SEZ6L: variants seen among roughly 807,000 people sequenced by gnomAD.
The protein encoded by SEZ6L is seizure 6-like protein.
Under a neutral mutation model 106.2 loss-of-function variants are expected in SEZ6L, and 37 were observed. The ratio of observed to expected loss-of-function variants is 0.35; its 90% confidence interval spans 0.27 to 0.46. The LOEUF (loss-of-function observed/expected upper bound fraction) is 0.46. Among genes scored for constraint, SEZ6L ranks in the 20% least tolerant of loss-of-function variants. The pLI, the probability that SEZ6L is intolerant of heterozygous loss-of-function variation, is 1.00. For missense variants in SEZ6L, 1,172 were observed against 1,332.8 expected (o/e 0.88, Z 1.88); for synonymous variants, 541 against 570.4 (o/e 0.95, Z 0.73).
At chr22:26,215,022 G>A (rs927899386) in intron 1 of SEZ6L, among the ~76,000 whole-genome samples, 2 of 152,196 alleles carry the variant, frequency 1.3e-5, no homozygotes, top group East Asian at 1.9e-4. Flanking sequence ...AATGAAAGTG[G>A]TACATACTTT....
intron 1 of SEZ6L, among the ~76,000 whole-genome samples, chr22:26,242,262 G>A (rs1273904628): frequency 6.6e-6 from 1 of 152,312 alleles, no homozygotes; most frequent in East Asian, 1.9e-4. Flanking sequence ...ACACAACCTC[G>A]GGGCTGCTTC....
At chr22:26,226,971 T>C (rs1220029671) in intron 1 of SEZ6L, among the ~76,000 whole-genome samples, 1 of 151,942 alleles carries the variant, frequency 6.6e-6, no homozygotes, top group African/African-American at 2.4e-5. Flanking sequence ...GTTGGTGGTC[T>C]GGTCAGCTTT....
At position 26,227,725 on chromosome 22, in the gene SEZ6L, C is replaced by T. The variant is rs558764555; in HGVS notation, c.94+57962C>T. 2.6e-5 allele frequency among the ~76,000 whole-genome samples: 4 copies of T among 151,904 alleles called. No homozygotes were observed. The South Asian group carries it at 6.2e-4, about 24-fold the overall frequency. ...GAAGCCACCACACCCACCCTTTGTT[C>T]GTAGTACGATTATGAGTGATTGGGT... On this transcript the variant is annotated intron_variant, in intron 1 of 16. Transcript: ENST00000248933.
chr22:26,311,894 G>T lies in SEZ6L; in HGVS notation c.1808G>T (p.Gly603Val). Residue 603 changes from glycine (G) to valine (V), a missense_variant, in exon 8 of 17, where the codon GGC becomes GTC. Physicochemically the swap from Gly to Val is moderately radical, Grantham distance 109. Coordinates refer to ENST00000248933, the MANE Select transcript of SEZ6L (RefSeq NM_021115.5). ...GACCCCGGCCACTCCCTGGAGCAGG[G>T]CCCGGCCATCATCGAATGCATCAAT... Reference protein sequence around the residue: ...TCDPGHSLEQGPAIIECINVR... With the variant: ...TCDPGHSLEQVPAIIECINVR... 1 of 1,614,180 alleles carries T rather than the reference G, an allele frequency of 6.2e-7. No homozygotes were observed. The highest frequency in any genetic ancestry group is 8.5e-7 in the Non-Finnish European group (1 of 1,180,036).
intron 12 of SEZ6L, among the ~76,000 whole-genome samples, chr22:26,360,274 C>T (rs1229274359): frequency 1.3e-5 from 2 of 152,210 alleles, no homozygotes; most frequent in African/African-American, 2.4e-5. Context: ...CTGTCAATAT[C>T]CTCCTTTACA....
At chr22:26,279,258 G>A (rs1390617496) in intron 1 of SEZ6L, among the ~76,000 whole-genome samples, 1 of 152,150 alleles carries the variant, frequency 6.6e-6, no homozygotes. Flanking sequence ...ACCCAGTATT[G>A]AGATTTTCTT....
At chr22:26,367,370 G>A (rs1216523798) in intron 13 of SEZ6L, among the ~76,000 whole-genome samples, 2 of 152,054 alleles carry the variant, frequency 1.3e-5, no homozygotes, top group Non-Finnish European at 2.9e-5. Flanking sequence ...TGGAGACAGG[G>A]TCTTACTCTG....
At chr22:26,317,522 G>C (rs781552420) in intron 9 of SEZ6L, among the ~76,000 whole-genome samples, 24 of 151,848 alleles carry the variant, frequency 1.6e-4, no homozygotes, top group Non-Finnish European at 2.8e-4. Context: ...AGGTCTAGAG[G>C]AGGAAACAAG....
At chr22:26,185,932 A>G (rs1441631235) in intron 1 of SEZ6L, among the ~76,000 whole-genome samples, 1 of 152,048 alleles carries the variant, frequency 6.6e-6, no homozygotes, top group African/African-American at 2.4e-5. Flanking sequence ...TTAGCCCACC[A>G]TATTCCCTCC....
chr22:26,291,865 A>G (rs191184414), intron 1 of SEZ6L, among the ~76,000 whole-genome samples: 1 of 152,016 alleles, frequency 6.6e-6, no homozygotes, highest in East Asian at 1.9e-4. Flanking sequence ...CTACTTTCCC[A>G]TCCCCCTTCC....
chr22:26,170,623 T>C (rs899747716), intron 1 of SEZ6L, among the ~76,000 whole-genome samples: 2 of 151,806 alleles, frequency 1.3e-5, no homozygotes, highest in Non-Finnish European at 2.9e-5. Context: ...CCAGGAAAAG[T>C]TATGGGTGGG....
chr22:26,185,191 G>T (rs889351596), intron 1 of SEZ6L, among the ~76,000 whole-genome samples: 1 of 152,266 alleles, frequency 6.6e-6, no homozygotes, highest in Non-Finnish European at 1.5e-5. Context: ...TAAAAAGAGA[G>T]CTGGGGGATT....
At chr22:26,269,235 G>A (rs918069349) in intron 1 of SEZ6L, among the ~76,000 whole-genome samples, 2 of 152,144 alleles carry the variant, frequency 1.3e-5, no homozygotes, top group South Asian at 2.1e-4. Flanking sequence ...GTAAGTGTGC[G>A]AACACCTTGC....
At chr22:26,215,829 A>T (rs762959471) in intron 1 of SEZ6L, among the ~76,000 whole-genome samples, 10 of 152,186 alleles carry the variant, frequency 6.6e-5, no homozygotes, top group Non-Finnish European at 1.5e-4. Flanking sequence ...TGGGGTGAGC[A>T]GGGATCTGAG....
chr22:26,290,310 T>A (rs541995948), intron 1 of SEZ6L, among the ~76,000 whole-genome samples: 30 of 152,108 alleles, frequency 2.0e-4, no homozygotes, highest in Non-Finnish European at 2.8e-4. Context: ...GGCGGGTGGA[T>A]CACGAGGTCA....
intron 15 of SEZ6L, among the ~76,000 whole-genome samples, chr22:26,377,462 T>C (rs574980698): frequency 2.0e-5 from 3 of 152,272 alleles, no homozygotes; most frequent in Non-Finnish European, 4.4e-5. Context: ...AGGCTTTGGT[T>C]CTCGCTGCCT....
chr22:26,297,311 TA>T lies in SEZ6L; in HGVS notation c.1162+233del, dbSNP rs1391797272. The stretch of plus-strand genomic sequence containing the variant: ...AATACTGTTATAATCTATGATGCCT[TA>T]ATCTATGTGCTTTTTATTAATTCAT... On this transcript the variant is annotated intron_variant, in intron 4 of 16. Coordinates refer to ENST00000248933, the MANE Select transcript of SEZ6L (RefSeq NM_021115.5). Among the ~76,000 whole-genome samples the T allele has an allele frequency of 8.5e-5, 13 of 152,252 alleles. 2 individuals are homozygous for T. The South Asian group carries it at 2.7e-3, about 32-fold the overall frequency.
At chr22:26,376,579 T>TA (rs946107713) in intron 15 of SEZ6L, among the ~76,000 whole-genome samples, 5 of 151,848 alleles carry the variant, frequency 3.3e-5, no homozygotes, top group African/African-American at 9.7e-5. Flanking sequence ...CCGTCTCTAC[T>TA]AAAAAAATAA....
chr22:26,177,667 T>G (rs1601954883), intron 1 of SEZ6L, among the ~76,000 whole-genome samples: 2 of 152,272 alleles, frequency 1.3e-5, no homozygotes, highest in South Asian at 4.1e-4. Context: ...TTATTAGATG[T>G]GTATCCTTAG....
Sources: allele counts gnomAD v4.1 joint callset (sites outside exome capture counted in the v4.1 genomes callset), GRCh38; gene constraint gnomAD v4.1.1; transcripts MANE v1.5; gene names NCBI Gene and HGNC (gene_info 2026-07-23, HGNC 2026-07-21).